The following FBXO44 variants were observed in gnomAD, a reference collection of about 807,000 sequenced individuals.
FBXO44 encodes the protein F-box protein 44, also known as F-box only protein 44.
In FBXO44, 25 loss-of-function variants were observed where a neutral mutation model predicts 33.5. That is an observed-to-expected ratio of 0.75 (90% CI 0.54 to 1.04). The LOEUF is 1.04. Among genes scored for constraint, FBXO44 ranks in the 50% least tolerant of loss-of-function variants. The probability of loss-of-function intolerance (pLI) is 0.00; values close to 1 mark genes in which losing one functional copy is unlikely to be tolerated. For missense variants in FBXO44, 311 were observed against 344.0 expected (o/e 0.90, Z 0.76); for synonymous variants, 147 against 152.8 (o/e 0.96, Z 0.28).
rs1557666575 is a variant in FBXO44 at position 11,662,174 on chromosome 1, C to CCT, written c.*904_*905dup. 6.8e-6 allele frequency: 1 copy of CCT among 148,058 alleles called. No homozygotes were observed. The highest frequency in any genetic ancestry group is 1.5e-5 in the Non-Finnish European group (1 of 67,286). The allele number at this position is 148,058 out of a possible 1,614,324, so 9.2% of individuals were successfully genotyped here. The stretch of plus-strand genomic sequence containing the variant: ...ACCCCTAGAACTGCCATTCCCAAGA[C>CCT]CTCTGTCTCCCAGCCAACCACCCTT... On this transcript the variant is annotated 3_prime_UTR_variant, in exon 6 of 6. Coordinates refer to ENST00000251547, the MANE Select transcript of FBXO44 (RefSeq NM_033182.7).
chr1:11,658,615 G>T lies in FBXO44; in HGVS notation c.475G>T (p.Glu159Ter). ...ELMDTTRPDI[E>*]VKDWFAARPD... is the part of the protein sequence containing the mutation. ...GATGGATACCACACGGCCGGACATCGAGGTCAAGGACTGGTGAGTGCCTGG... is the reference window on the plus strand; with the variant it reads ...GATGGATACCACACGGCCGGACATCTAGGTCAAGGACTGGTGAGTGCCTGG... The change falls in exon 4 of 6, where the codon GAG becomes TAG. Residue 159 changes from glutamate to a stop codon, truncating the protein, a stop_gained. Transcript: ENST00000251547. LOFTEE classifies it high-confidence loss of function. 2.5e-6 allele frequency: 4 copies of T among 1,613,570 alleles called. No individual in the cohort carries two copies. Among genetic ancestry groups the T allele is most frequent in the Non-Finnish European group, 2.5e-6 (3 of 1,179,974 alleles).
rs371284261 is a variant in FBXO44, at chr1:11,658,608, G to C, written c.468G>C (p.Pro156=). The C allele has an allele frequency of 1.2e-6, 2 of 1,613,580 alleles. No individual in the cohort carries two copies. Among genetic ancestry groups the C allele is most frequent in the South Asian group, 1.1e-5 (1 of 91,066 alleles). ...YWEELMDTTR[P]DIEVKDWFAA... Reference sequence around the variant, plus strand: ...AGGAGCTGATGGATACCACACGGCCGGACATCGAGGTCAAGGACTGGTGAG... The same window carrying C: ...AGGAGCTGATGGATACCACACGGCCCGACATCGAGGTCAAGGACTGGTGAG... The change falls in exon 4 of 6, where the codon CCG becomes CCC. Residue 156 remains proline (P), a synonymous_variant. Transcript: ENST00000251547.
At chr1:11,659,371 TC>T (rs1217354425) in intron 5 of FBXO44, among the ~76,000 whole-genome samples, 4 of 150,668 alleles carry the variant, frequency 2.7e-5, no homozygotes, top group African/African-American at 9.8e-5. Flanking sequence ...AGAGCGAAAC[TC>T]CATCTCAACA....
At position 11,658,166 on chromosome 1, in the gene FBXO44, A is replaced by G. The variant is rs981609924; in HGVS notation, c.266-101A>G. On this transcript the variant is annotated intron_variant, in intron 2 of 5. Coordinates refer to ENST00000251547, the MANE Select transcript of FBXO44 (RefSeq NM_033182.7). ...GTCCCACAGCACAGGGCTTGAGGGCAGCCGCCAAGATGCAGGCAGAGGAGT... is the reference window on the plus strand; with the variant it reads ...GTCCCACAGCACAGGGCTTGAGGGCGGCCGCCAAGATGCAGGCAGAGGAGT... 47 of 1,579,672 alleles carry G rather than the reference A, an allele frequency of 3.0e-5. No homozygotes were observed. The African/African-American group carries it at 5.8e-4, about 19-fold the overall frequency.
rs1362796237 is a variant in FBXO44, at chr1:11,658,724, C to T, written c.489-12C>T. 6.2e-7 allele frequency: 1 copy of T among 1,613,884 alleles called. No homozygotes were observed. The highest frequency in any genetic ancestry group is 8.5e-7 in the Non-Finnish European group (1 of 1,179,916). On this transcript the variant is annotated splice_polypyrimidine_tract_variant and intron_variant, in intron 4 of 5. Transcript: ENST00000251547. ...TCTCCGAGGCCCTGATGGGCCCTCC[C>T]TCTCCCTGCAGGTTCGCAGCCAGGC...
intron 1 of FBXO44, 113 bp from the exon 2 acceptor site, chr1:11,655,693 C>G (rs1350202172): frequency 8.7e-7 from 1 of 1,150,106 alleles, no homozygotes; most frequent in Non-Finnish European, 1.2e-6. Flanking sequence ...CCCAGTGACC[C>G]CTGGAGGTAA....
rs529525597 is a variant in FBXO44, at chr1:11,661,490, G to A, written c.*217G>A. 11 of 599,530 alleles carry A rather than the reference G, an allele frequency of 1.8e-5. No homozygotes were observed. The highest frequency in any genetic ancestry group is 4.5e-4 in the Middle Eastern group (1 of 2,210). The allele number at this position is 599,530 out of a possible 1,614,324, so 37.1% of individuals were successfully genotyped here. A position where few individuals can be genotyped will look rare whatever the true frequency, so the allele number is the denominator to read the frequency against. ...AAAGGTCTTGACCTGAATGATGGCC[G>A]GGGAAGCCTGCGTGTGCCCCTTTCA... On this transcript the variant is annotated 3_prime_UTR_variant, in exon 6 of 6. Coordinates refer to ENST00000251547, the MANE Select transcript of FBXO44 (RefSeq NM_033182.7). This position sits in a 1 kb window ranked among gnomAD's most constrained non-coding sequence, Gnocchi z 4.4.
At chr1:11,655,236 G>A (rs1437307951) in intron 1 of FBXO44, 1 of 150,288 alleles carries the variant, frequency 6.7e-6, no homozygotes, top group Non-Finnish European at 1.5e-5. Flanking sequence ...TGGGGCTGGC[G>A]GAGCCCAGCC....
At chr1:11,658,671 A>G (rs1639978220) in intron 4 of FBXO44, 43 bp downstream of exon 4, 1 of 1,597,562 alleles carries the variant, frequency 6.3e-7, no homozygotes, top group South Asian at 1.1e-5. Flanking sequence ...CATGCCAATC[A>G]GGCGCCCCAC....
intron 1 of FBXO44, chr1:11,655,579 G>T (rs1392709874): frequency 2.3e-5 from 12 of 531,990 alleles, no homozygotes; most frequent in Non-Finnish European, 4.0e-5. Context: ...CCTTATTTTT[G>T]ACCTTGGGCA....
At position 11,659,186 on chromosome 1, in the gene FBXO44, G is replaced by A. The variant is rs1019669726; in HGVS notation, c.624+315G>A. On this transcript the variant is annotated intron_variant, in intron 5 of 5. Coordinates refer to ENST00000251547, the MANE Select transcript of FBXO44 (RefSeq NM_033182.7). The stretch of plus-strand genomic sequence containing the variant: ...GCAGATCACCTGAGGTTGGGAGTTC[G>A]AGACCAGCCTGACCAACAGGGAGAA... 4.6e-5 allele frequency among the ~76,000 whole-genome samples: 7 copies of A among 152,190 alleles called. No individual in the cohort carries two copies. The South Asian group carries it at 8.3e-4, about 18-fold the overall frequency.
At chr1:11,655,755 C>T in intron 1 of FBXO44, 51 bp from the exon 2 acceptor site, 2 of 1,565,154 alleles carry the variant, frequency 1.3e-6, no homozygotes, top group South Asian at 1.2e-5. Flanking sequence ...CATGCTCTCC[C>T]GAGATAAATG....
At position 11,661,641 on chromosome 1, in the gene FBXO44, T is replaced by G; in HGVS notation, c.*368T>G. ...CCTGGGACCATTCTACCTGTGTTCT[T>G]TGACCCTCGGAGCAGGGACAGGCAA... On this transcript the variant is annotated 3_prime_UTR_variant, in exon 6 of 6. Coordinates refer to ENST00000251547, the MANE Select transcript of FBXO44 (RefSeq NM_033182.7). This position sits in a 1 kb window ranked among gnomAD's most constrained non-coding sequence, Gnocchi z 4.4. 3.8e-6 allele frequency: 1 copy of G among 262,312 alleles called. No individual in the cohort carries two copies. Among genetic ancestry groups the G allele is most frequent in the South Asian group, 1.2e-4 (1 of 8,596 alleles). 16.2% of individuals were successfully genotyped at this position (262,312 alleles called of 1,614,324 possible). A position where few individuals can be genotyped will look rare whatever the true frequency, so the allele number is the denominator to read the frequency against.
chr1:11,660,729 C>CT lies in FBXO44; in HGVS notation c.625-400dup, dbSNP rs1640126260. On this transcript the variant is annotated intron_variant, in intron 5 of 5. Transcript: ENST00000251547. ...GCCCCTTCCTTGTTCCCCTGCCCCC[C>CT]TCAGGCAGTGCCACACTCAGAGTCT... is the stretch of plus-strand genomic sequence containing the variant. 3.3e-5 allele frequency among the ~76,000 whole-genome samples: 5 copies of CT among 152,310 alleles called. No individual in the cohort carries two copies. The South Asian group carries it at 1.0e-3, about 32-fold the overall frequency.
In FBXO44 at chr1:11,661,213, C is replaced by G; in HGVS notation, c.708C>G (p.Ala236=). ...GCGGCGTGGACACTCATTACTGGGC[C>G]GGCTGGTACGGCCCGAGGGTCACCA... ...QHGGVDTHYW[A]GWYGPRVTNS... The change falls in exon 6 of 6, where the codon GCC becomes GCG. Residue 236 remains alanine, a synonymous_variant. Coordinates refer to ENST00000251547, the MANE Select transcript of FBXO44 (RefSeq NM_033182.7). The surrounding 1 kb of genome is among the most constrained non-coding windows in gnomAD (Gnocchi z 4.4). The G allele has an allele frequency of 6.2e-7, 1 of 1,614,130 alleles. No homozygotes were observed.
chr1:11,661,159 C>T lies in FBXO44; in HGVS notation c.654C>T (p.Pro218=), dbSNP rs199845669. The change falls in exon 6 of 6, where the codon CCC becomes CCT. Residue 218 remains proline (P), a synonymous_variant. Coordinates refer to ENST00000251547, the MANE Select transcript of FBXO44 (RefSeq NM_033182.7). The surrounding 1 kb of genome is among the most constrained non-coding windows in gnomAD (Gnocchi z 4.4). ...EVSHTFSNYP[P]GVRYIWFQHG... The stretch of plus-strand genomic sequence containing the variant: ...CCCACACATTCTCCAACTACCCGCC[C>T]GGCGTCCGCTACATCTGGTTTCAGC... The T allele has an allele frequency of 3.2e-5, 52 of 1,613,546 alleles. 1 individual carries two copies. Among genetic ancestry groups the T allele is most frequent in the Middle Eastern group, 1.6e-4 (1 of 6,082 alleles).
chr1:11,661,064 T>C lies in FBXO44; in HGVS notation c.625-66T>C. ...TCCCAAAGTACTGGGATTCCCGGTGTGAGCCGCCACACCCAGCCTGAGTCA... is the reference window on the plus strand; with the variant it reads ...TCCCAAAGTACTGGGATTCCCGGTGCGAGCCGCCACACCCAGCCTGAGTCA... On this transcript the variant is annotated intron_variant, in intron 5 of 5. Coordinates refer to ENST00000251547, the MANE Select transcript of FBXO44 (RefSeq NM_033182.7). The surrounding 1 kb of genome is among the most constrained non-coding windows in gnomAD (Gnocchi z 4.4). 1 of 1,506,334 alleles carries C rather than the reference T, an allele frequency of 6.6e-7. No individual in the cohort carries two copies. The highest frequency in any genetic ancestry group is 9.0e-7 in the Non-Finnish European group (1 of 1,106,280). The allele number at this position is 1,506,334 out of a possible 1,614,324, so 93.3% of individuals were successfully genotyped here.
chr1:11,655,409 C>T (rs1639708182), intron 1 of FBXO44: 2 of 185,560 alleles, frequency 1.1e-5, no homozygotes, highest in East Asian at 1.3e-4. Context: ...TAATTAGCCT[C>T]CTCCTCCCAT....
chr1:11,658,731 T>C lies in FBXO44; in HGVS notation c.489-5T>C, dbSNP rs1380419385. On this transcript the variant is annotated splice_region_variant and splice_polypyrimidine_tract_variant and intron_variant, in intron 4 of 5. Transcript: ENST00000251547. Reference sequence around the variant, plus strand: ...GGCCCTGATGGGCCCTCCCTCTCCCTGCAGGTTCGCAGCCAGGCCAGATTG... The same window carrying C: ...GGCCCTGATGGGCCCTCCCTCTCCCCGCAGGTTCGCAGCCAGGCCAGATTG... 1.9e-6 allele frequency: 3 copies of C among 1,583,274 alleles called. No individual in the cohort carries two copies. The South Asian group carries it at 3.3e-5, about 18-fold the overall frequency.
Sources: gnomAD v4.1 joint callset for allele counts (sites outside exome capture counted in the v4.1 genomes callset) on GRCh38, gnomAD v4.1.1 for gene constraint, Gnocchi (gnomAD v3.1) non-coding constraint, MANE v1.5 for transcripts, NCBI Gene and HGNC (gene_info 2026-07-23, HGNC 2026-07-21) for gene names.